The following NFIC variants were observed in gnomAD, a reference collection of about 807,000 sequenced individuals.
The protein encoded by NFIC is nuclear factor 1 C-type.
In NFIC, 12 loss-of-function variants were observed where a neutral mutation model predicts 54.4. That is an observed-to-expected ratio of 0.22 (90% CI 0.14 to 0.36). The LOEUF is 0.36. NFIC is among the 10% of genes least tolerant of loss of function. The pLI, the probability that NFIC is intolerant of heterozygous loss-of-function variation, is 1.00. For missense variants in NFIC, 575 were observed against 718.2 expected, an observed-to-expected ratio of 0.80 and a Z score of 2.28; for synonymous variants, 322 against 319.2, an observed-to-expected ratio of 1.01 and a Z score of -0.09.
intron 2 of NFIC, among the ~76,000 whole-genome samples, chr19:3,420,498 C>T (rs750170867): frequency 3.0e-4 from 45 of 151,528 alleles, no homozygotes; most frequent in Admixed American, 1.3e-4. Flanking sequence ...TGAGCTGGAT[C>T]GTGCCACCGC....
chr19:3,448,983 C>T, intron 6 of NFIC, 31 bp from the exon 7 acceptor site: 2 of 1,600,898 alleles, frequency 1.2e-6, no homozygotes, highest in African/African-American at 1.3e-5. Flanking sequence ...TGTGACCAGC[C>T]TGTGACTCTC....
intron 2 of NFIC, among the ~76,000 whole-genome samples, chr19:3,390,307 G>T (rs1423021556): frequency 3.3e-5 from 5 of 152,216 alleles, no homozygotes; most frequent in African/African-American, 1.2e-4. Context: ...AGTCGCAGAC[G>T]CCAGCTGATG....
At chr19:3,366,556 C>CGGGGGGGGGGGTGGGGGGGGGGGGGG, upstream of NFIC, 1 of 490,742 alleles carries the variant, frequency 2.0e-6, no homozygotes, top group Non-Finnish European at 2.9e-6. Context: ...TTGGGGGGGG[C>CGGGGGGGGGGGTGGGGGGGGGGGGGG]GGGGGGGTGG....
chr19:3,439,834 A>G (rs1057191888), intron 6 of NFIC, among the ~76,000 whole-genome samples: 2 of 150,774 alleles, frequency 1.3e-5, no homozygotes, highest in East Asian at 2.0e-4. Context: ...GACTACAGGC[A>G]CCCACCACCA....
chr19:3,371,551 C>T (rs1265643398), intron 1 of NFIC: 1 of 151,954 alleles, frequency 6.6e-6, no homozygotes, highest in African/African-American at 2.4e-5. Flanking sequence ...TTTGGTCTTC[C>T]CGAGCCTCCA....
At chr19:3,403,562 G>A (rs527594746) in intron 2 of NFIC, among the ~76,000 whole-genome samples, 1 of 152,314 alleles carries the variant, frequency 6.6e-6, no homozygotes, top group Non-Finnish European at 1.5e-5. Flanking sequence ...AAGCCAGGGC[G>A]TTTGGTATTT....
chr19:3,464,385 G>A lies in NFIC; in HGVS notation c.*1616G>A. 1.0e-6 allele frequency: 1 copy of A among 984,926 alleles called. No homozygotes were observed. The highest frequency in any genetic ancestry group is 1.7e-5 in the African/African-American group (1 of 57,240). The allele number at this position is 984,926 out of a possible 1,614,324, so 61.0% of individuals were successfully genotyped here. On this transcript the variant is annotated 3_prime_UTR_variant, in exon 11 of 11. Transcript: ENST00000443272. ...GCTCCAAAAACACTAAGCTGGGGAC[G>A]CCAGGTGCCCCCCCACCCCGGCTCC... is the stretch of plus-strand genomic sequence containing the variant.
chr19:3,445,533 G>A (rs763290552), intron 6 of NFIC, among the ~76,000 whole-genome samples: 8 of 152,282 alleles, frequency 5.3e-5, no homozygotes, highest in South Asian at 4.1e-4. Context: ...GGGTGTTCCC[G>A]GGTCCCTGGG....
intron 1 of NFIC, among the ~76,000 whole-genome samples, chr19:3,373,866 G>C (rs2081063912): frequency 2.0e-5 from 3 of 152,150 alleles, no homozygotes; most frequent in Admixed American, 2.0e-4. Context: ...GCAACAGAAT[G>C]AATCTTCCCT....
intron 2 of NFIC, among the ~76,000 whole-genome samples, chr19:3,392,963 C>T (rs1008676640): frequency 4.6e-5 from 7 of 152,072 alleles, no homozygotes; most frequent in African/African-American, 7.2e-5. Flanking sequence ...TTTTTGGAGA[C>T]GGAGTTTTGC....
At chr19:3,404,681 G>A (rs1185010736) in intron 2 of NFIC, among the ~76,000 whole-genome samples, 1 of 152,188 alleles carries the variant, frequency 6.6e-6, no homozygotes, top group East Asian at 1.9e-4. Flanking sequence ...GGCCGCCAAG[G>A]CCGGAGAAAC....
chr19:3,397,890 C>A (rs1458601749), intron 2 of NFIC, among the ~76,000 whole-genome samples: 1 of 152,214 alleles, frequency 6.6e-6, no homozygotes, highest in Non-Finnish European at 1.5e-5. Context: ...TACCTACACA[C>A]CCTCGTGGCT....
chr19:3,453,185 G>T lies in NFIC; in HGVS notation c.1269+519G>T, dbSNP rs1272155536. 1.3e-5 allele frequency among the ~76,000 whole-genome samples: 2 copies of T among 152,170 alleles called. No individual in the cohort carries two copies. Among genetic ancestry groups the T allele is most frequent in the Admixed American group, 1.3e-4 (2 of 15,260 alleles). ...ACCTGGGAGGTCGAGGCTGCTGTGA[G>T]CTGTGATTGTGCCACTGCACCCCAG... is the stretch of plus-strand genomic sequence containing the variant. On this transcript the variant is annotated intron_variant, in intron 8 of 10. Transcript: ENST00000443272. The surrounding 1 kb of genome is among the most constrained non-coding windows in gnomAD (Gnocchi z 6.7).
At chr19:3,408,397 A>G (rs997780333) in intron 2 of NFIC, among the ~76,000 whole-genome samples, 2 of 152,170 alleles carry the variant, frequency 1.3e-5, no homozygotes, top group Non-Finnish European at 2.9e-5. Flanking sequence ...CTGAGAGTCC[A>G]GAAGTTTCTT....
chr19:3,427,010 C>T (rs1389335820), intron 3 of NFIC, among the ~76,000 whole-genome samples: 1 of 151,328 alleles, frequency 6.6e-6, no homozygotes, highest in African/African-American at 2.4e-5. Flanking sequence ...CACTGCCATC[C>T]CCGCCTCCTA....
At chr19:3,430,246 T>C (rs960912140) in intron 3 of NFIC, among the ~76,000 whole-genome samples, 1 of 144,644 alleles carries the variant, frequency 6.9e-6, no homozygotes, top group Non-Finnish European at 1.5e-5. Flanking sequence ...GAACCTTTCT[T>C]TTTTTTTTTT....
intron 6 of NFIC, among the ~76,000 whole-genome samples, chr19:3,445,092 T>G (rs2082354441): frequency 6.6e-6 from 1 of 151,820 alleles, no homozygotes; most frequent in Non-Finnish European, 1.5e-5. Flanking sequence ...CGTCCACATA[T>G]GCTCACATGC....
chr19:3,380,683 G>A (rs1445887994), intron 1 of NFIC, among the ~76,000 whole-genome samples: 1 of 144,478 alleles, frequency 6.9e-6, no homozygotes, highest in Admixed American at 7.2e-5. Flanking sequence ...CCAGGCTGGA[G>A]TGCAGTGGCA....
chr19:3,464,741 C>G lies in NFIC; in HGVS notation c.*1972C>G, dbSNP rs1228274120. 16 of 984,498 alleles carry G rather than the reference C, an allele frequency of 1.6e-5. No homozygotes were observed. Among genetic ancestry groups the G allele is most frequent in the Non-Finnish European group, 1.9e-5 (16 of 829,342 alleles). The allele number at this position is 984,498 out of a possible 1,614,324, so 61.0% of individuals were successfully genotyped here. A position where few individuals can be genotyped will look rare whatever the true frequency, so the allele number is the denominator to read the frequency against. On this transcript the variant is annotated 3_prime_UTR_variant, in exon 11 of 11. Coordinates refer to ENST00000443272, the MANE Select transcript of NFIC (RefSeq NM_001245002.2). ...CTCCTAAAGAGAAAGACCCAGGACC[C>G]TCCCCCATCACCCCCAAGAGAGGTT...
Sources: allele counts gnomAD v4.1 joint callset (sites outside exome capture counted in the v4.1 genomes callset), GRCh38; gene constraint gnomAD v4.1.1; non-coding constraint Gnocchi (gnomAD v3.1); transcripts MANE v1.5; gene names NCBI Gene and HGNC (gene_info 2026-07-23, HGNC 2026-07-21).